Variants in KLHL22 observed in about 807,000 individuals in gnomAD.
KLHL22 encodes kelch like family member 22, also known as kelch-like protein 22.
Under a neutral mutation model 60.7 loss-of-function variants are expected in KLHL22, and 18 were observed. That is an observed-to-expected ratio of 0.30 (90% CI 0.20 to 0.44). KLHL22 has a LOEUF of 0.44. KLHL22 is among the 20% of genes least tolerant of loss of function. KLHL22 has a pLI of 1.00. For missense variants in KLHL22, 596 were observed against 852.3 expected (o/e 0.70, Z 3.74); for synonymous variants, 355 against 354.5 (o/e 1.00, Z -0.01).
At chr22:20,446,714 A>G (rs1414465980) in intron 5 of KLHL22, 38 bp from the exon 6 acceptor site, 40 of 1,539,344 alleles carry the variant, frequency 2.6e-5, no homozygotes, top group Non-Finnish European at 3.6e-5. Context: ...GTGAGAGGGC[A>G]GTGAGGAAGG....
chr22:20,476,615 A>C (rs1018592032), intron 2 of KLHL22, among the ~76,000 whole-genome samples: 3 of 150,466 alleles, frequency 2.0e-5, no homozygotes, highest in African/African-American at 7.4e-5. Context: ...GGGTTTCACC[A>C]TGTTAGCCAG....
In KLHL22 at chr22:20,464,623, A is replaced by G. The variant is rs2053202546; in HGVS notation, c.1112+235T>C. On this transcript the variant is annotated intron_variant, in intron 4 of 6. Coordinates refer to ENST00000328879, the MANE Select transcript of KLHL22 (RefSeq NM_032775.4). ...CCCCAAAGAGGCTGAGCAAGGGTCC[A>G]GGGTAAGTGGGTTTCTGAGGAGTAG... 2.6e-5 allele frequency among the ~76,000 whole-genome samples: 4 copies of G among 152,158 alleles called. No homozygotes were observed. In the South Asian group the frequency reaches 8.3e-4, roughly 32 times the overall value.
At chr22:20,482,392 T>C (rs2053517421) in intron 2 of KLHL22, among the ~76,000 whole-genome samples, 1 of 149,986 alleles carries the variant, frequency 6.7e-6, no homozygotes, top group Non-Finnish European at 1.5e-5. Context: ...TGAAACCAAT[T>C]TTTTTTTTTT....
chr22:20,493,491 G>A (rs1457272596), intron 1 of KLHL22, among the ~76,000 whole-genome samples: 1 of 152,216 alleles, frequency 6.6e-6, no homozygotes, highest in Non-Finnish European at 1.5e-5. Context: ...CAGTCAAAAT[G>A]CGCAAAGTGG....
intron 3 of KLHL22, among the ~76,000 whole-genome samples, chr22:20,467,221 A>G (rs561196516): frequency 1.7e-4 from 26 of 152,292 alleles, no homozygotes; most frequent in African/African-American, 5.8e-4. Flanking sequence ...GCCCTTGAAC[A>G]TTCCCAGGCA....
intron 6 of KLHL22, among the ~76,000 whole-genome samples, chr22:20,444,693 G>A (rs528325456): frequency 1.3e-5 from 2 of 152,350 alleles, no homozygotes; most frequent in African/African-American, 4.8e-5. Context: ...AGACACAAGA[G>A]GGGATGATGA....
chr22:20,441,791 A>G lies in KLHL22; in HGVS notation c.*282T>C, dbSNP rs1471684747. 1.8e-5 allele frequency: 6 copies of G among 338,466 alleles called. No homozygotes were observed. The highest frequency in any genetic ancestry group is 3.2e-5 in the Non-Finnish European group (6 of 185,562). 21.0% of individuals were successfully genotyped at this position (338,466 alleles called of 1,614,324 possible). A position where few individuals can be genotyped will look rare whatever the true frequency, so the allele number is the denominator to read the frequency against. On this transcript the variant is annotated 3_prime_UTR_variant, in exon 7 of 7. Transcript: ENST00000328879. ...TGGAGAAGGACTGATCTAGGCAGGG[A>G]GGAGAGAAGGCCAACCCCTCCAGGG...
At chr22:20,468,313 A>G (rs188520078) in intron 3 of KLHL22, among the ~76,000 whole-genome samples, 284 of 152,290 alleles carry the variant, frequency 1.9e-3, no homozygotes, top group Middle Eastern at 6.8e-3. Context: ...CCTTGAGAGG[A>G]CCCTGCTGAC....
intron 4 of KLHL22, 133 bp from the exon 5 acceptor site, chr22:20,458,133 C>A (rs2053093374): frequency 1.2e-6 from 1 of 852,318 alleles, no homozygotes; most frequent in Non-Finnish European, 1.8e-6. Context: ...ACCCCACATA[C>A]CAGTGCACAC....
intron 3 of KLHL22, among the ~76,000 whole-genome samples, chr22:20,468,784 C>G (rs1037482901): frequency 1.3e-5 from 2 of 152,094 alleles, no homozygotes; most frequent in African/African-American, 4.8e-5. Flanking sequence ...CTCAGCCTCC[C>G]GAGTAGCTGG....
chr22:20,476,297 T>C (rs1324582872), intron 2 of KLHL22, among the ~76,000 whole-genome samples: 2 of 152,132 alleles, frequency 1.3e-5, no homozygotes, highest in Non-Finnish European at 2.9e-5. Context: ...TGTACTTCTG[T>C]CTGATTCTTC....
intron 2 of KLHL22, 94 bp downstream of exon 2, chr22:20,488,891 G>A: frequency 1.2e-5 from 15 of 1,215,634 alleles, no homozygotes; most frequent in Non-Finnish European, 1.7e-5. Context: ...TCTGAGGTGA[G>A]CAGGAGACCA....
At chr22:20,490,619 T>C (rs974832241) in intron 1 of KLHL22, among the ~76,000 whole-genome samples, 4 of 152,344 alleles carry the variant, frequency 2.6e-5, no homozygotes, top group Admixed American at 2.6e-4. Flanking sequence ...ACCACTTTCT[T>C]GGAAGACAAT....
At chr22:20,450,548 C>T in intron 5 of KLHL22, 2 of 1,613,564 alleles carry the variant, frequency 1.2e-6, no homozygotes, top group Non-Finnish European at 1.7e-6. Context: ...TTTGCTGAAA[C>T]CCACAATTGT....
rs1324425479 is a variant in KLHL22 at position 20,495,411 on chromosome 22, G to A, written c.-34+349C>T. Among the ~76,000 whole-genome samples, 2 of 151,968 alleles carry A rather than the reference G, an allele frequency of 1.3e-5. No homozygotes were observed. The highest frequency in any genetic ancestry group is 2.4e-5 in the African/African-American group (1 of 41,400). ...GCCCGCTCCAGCGCGGAGGGTCGCG[G>A]CCAGGAAGGCCGCATTCGGACCTGC... On this transcript the variant is annotated intron_variant, in intron 1 of 6. Transcript: ENST00000328879. This position sits in a 1 kb window ranked among gnomAD's most constrained non-coding sequence, Gnocchi z 4.6.
intron 2 of KLHL22, among the ~76,000 whole-genome samples, chr22:20,476,452 G>T (rs2053414526): frequency 8.6e-6 from 1 of 116,750 alleles, no homozygotes; most frequent in Non-Finnish European, 1.6e-5. Context: ...TCTTGCTGTT[G>T]CCCAGGCTGG....
At chr22:20,493,079 G>C (rs943987159) in intron 1 of KLHL22, 1 of 461,696 alleles carries the variant, frequency 2.2e-6, no homozygotes, top group South Asian at 1.6e-5. Context: ...GAGTCAAGAG[G>C]GCCTCCTTCT....
Position 20,457,940 on chromosome 22 carries a change from G to A in KLHL22, c.1173C>T (p.Asp391=), listed in dbSNP as rs756125695. ...QIQSLQQEHA[D]LSVCVVGRYI... The stretch of plus-strand genomic sequence containing the variant: ...ACCTGCCTACAACACACACGGACAG[G>A]TCGGCGTGCTCCTGCTGCAGGGACT... Residue 391 remains aspartate (D), a synonymous_variant, in exon 5 of 7, where the codon GAC becomes GAT. Transcript: ENST00000328879. The A allele has an allele frequency of 4.3e-6, 7 of 1,614,206 alleles. No homozygotes were observed. The highest frequency in any genetic ancestry group is 5.1e-6 in the Non-Finnish European group (6 of 1,180,042).
At chr22:20,455,189 A>T (rs1187247242) in intron 5 of KLHL22, among the ~76,000 whole-genome samples, 1 of 152,000 alleles carries the variant, frequency 6.6e-6, no homozygotes, top group African/African-American at 2.4e-5. Flanking sequence ...TGCCAACATG[A>T]CCTATCCTTT....
Sources: gnomAD v4.1 joint callset for allele counts (sites outside exome capture counted in the v4.1 genomes callset) on GRCh38, gnomAD v4.1.1 for gene constraint, Gnocchi (gnomAD v3.1) non-coding constraint, MANE v1.5 for transcripts, NCBI Gene and HGNC (gene_info 2026-07-23, HGNC 2026-07-21) for gene names.